The following TNPO1 variants were observed in gnomAD, a reference collection of about 807,000 sequenced individuals.
The protein encoded by TNPO1 is transportin 1, also known as transportin-1.
A neutral mutation model predicts 119.5 loss-of-function variants in TNPO1; 8 were observed. The ratio of observed to expected loss-of-function variants is 0.07; its 90% CI spans 0.04 to 0.12. TNPO1 has a LOEUF of 0.12. Ranked by LOEUF, TNPO1 falls within the 10% of genes least tolerant of loss-of-function variation. The pLI, the probability that TNPO1 is intolerant of heterozygous loss-of-function variation, is 1.00. For missense variants in TNPO1, 576 were observed against 1,089.8 expected, an observed-to-expected ratio of 0.53 and a Z score of 6.64; for synonymous variants, 362 against 363.0, an observed-to-expected ratio of 1.00 and a Z score of 0.03.
At position 72,909,171 on chromosome 5, in the gene TNPO1, A is replaced by G. The variant is rs1415566729; in HGVS notation, c.*498A>G. 7.2e-5 allele frequency: 11 copies of G among 153,252 alleles called. No individual in the cohort carries two copies. The highest frequency in any genetic ancestry group is 2.7e-4 in the African/African-American group (11 of 40,864). The allele number at this position is 153,252 out of a possible 1,614,324, so 9.5% of individuals were successfully genotyped here. Reference sequence around the variant, plus strand: ...TTTTTTATGTAAGTTTTCCCACATGATGGGGCCTTGTTTTGCATGTTGATG... The same window carrying G: ...TTTTTTATGTAAGTTTTCCCACATGGTGGGGCCTTGTTTTGCATGTTGATG... On this transcript the variant is annotated 3_prime_UTR_variant, in exon 25 of 25. Coordinates refer to ENST00000337273, the MANE Select transcript of TNPO1 (RefSeq NM_002270.4).
Position 72,875,680 on chromosome 5 carries a change from G to A in TNPO1, c.744G>A (p.Val248=), listed in dbSNP as rs1747709163. Reference sequence around the variant, plus strand: ...GGAAAAATGTGTGCCGAGCACTTGTGATGTTGCTCGAAGTTCGAATGGATC... The same window carrying A: ...GGAAAAATGTGTGCCGAGCACTTGTAATGTTGCTCGAAGTTCGAATGGATC... The part of the protein sequence containing the change: ...EVRKNVCRAL[V]MLLEVRMDRL... The change falls in exon 8 of 25, where the codon GTG becomes GTA. Residue 248 remains valine, a synonymous_variant. Transcript: ENST00000337273. 1 of 1,613,554 alleles carries A rather than the reference G, an allele frequency of 6.2e-7. No individual in the cohort carries two copies. Among genetic ancestry groups the A allele is most frequent in the Non-Finnish European group, 8.5e-7 (1 of 1,179,568 alleles).
chr5:72,843,805 A>G (rs973727941), intron 1 of TNPO1, among the ~76,000 whole-genome samples: 2 of 152,132 alleles, frequency 1.3e-5, no homozygotes, highest in Non-Finnish European at 2.9e-5. Flanking sequence ...AAAAAATTTT[A>G]ATTGAACCAG....
At chr5:72,825,899 A>G (rs1561291542) in intron 1 of TNPO1, 1 of 152,254 alleles carries the variant, frequency 6.6e-6, no homozygotes, top group East Asian at 1.9e-4. Flanking sequence ...GGACTAAGAC[A>G]TTCCCTTTCA....
At chr5:72,893,871 A>G (rs1749233464) in intron 18 of TNPO1, among the ~76,000 whole-genome samples, 168 bp downstream of exon 18, 1 of 152,228 alleles carries the variant, frequency 6.6e-6, no homozygotes, top group Non-Finnish European at 1.5e-5. Flanking sequence ...AGATGGCAGG[A>G]ACCCCTAATA....
At position 72,878,815 on chromosome 5, in the gene TNPO1, CTTT is replaced by C. The variant is rs558530200; in HGVS notation, c.920+1474_920+1476del. 611 of 367,144 alleles carry C rather than the reference CTTT, an allele frequency of 1.7e-3. 5 individuals carry two copies. Among genetic ancestry groups the C allele is most frequent in the African/African-American group, 0.013 (578 of 45,946 alleles). 22.7% of individuals were successfully genotyped at this position (367,144 alleles called of 1,614,324 possible). A position where few individuals can be genotyped will look rare whatever the true frequency, so the allele number is the denominator to read the frequency against. ...TTTTTATAAAAACTGCAGAGATTTT[CTTT>C]TTTTCTTCAAGAGCAGAAATCCGCT... is the stretch of plus-strand genomic sequence containing the variant. On this transcript the variant is annotated intron_variant, in intron 9 of 24. Coordinates refer to ENST00000337273, the MANE Select transcript of TNPO1 (RefSeq NM_002270.4).
intron 4 of TNPO1, 47 bp downstream of exon 4, chr5:72,855,970 C>T (rs368769394): frequency 5.0e-5 from 79 of 1,577,186 alleles, no homozygotes; most frequent in South Asian, 7.8e-5. Context: ...GTAACTGGGT[C>T]ATTTTTAGAG....
At position 72,911,336 on chromosome 5, in the gene TNPO1, A is replaced by G. The variant is rs147108738; in HGVS notation, c.*2663A>G. On this transcript the variant is annotated 3_prime_UTR_variant, in exon 25 of 25. Transcript: ENST00000337273. ...TCACTTGACTTTTTTTTTTTATTTA[A>G]ATGAAATTTAATTTGAAAATAGAAA... is the stretch of plus-strand genomic sequence containing the variant. 2.6e-5 allele frequency: 4 copies of G among 152,366 alleles called. No homozygotes were observed. Among genetic ancestry groups the G allele is most frequent in the African/African-American group, 9.6e-5 (4 of 41,504 alleles). 9.4% of individuals were successfully genotyped at this position (152,366 alleles called of 1,614,324 possible).
intron 23 of TNPO1, among the ~76,000 whole-genome samples, chr5:72,904,794 T>TC (rs776551866): frequency 2.0e-5 from 3 of 151,432 alleles, no homozygotes; most frequent in East Asian, 1.9e-4. Flanking sequence ...TGAAACTCTG[T>TC]CCCCGCCACA....
chr5:72,887,392 T>C (rs544345543), intron 12 of TNPO1, among the ~76,000 whole-genome samples, 170 bp downstream of exon 12: 30 of 152,286 alleles, frequency 2.0e-4, no homozygotes, highest in African/African-American at 7.2e-4. Flanking sequence ...GTTTTTGTTA[T>C]AATAAAGGTA....
chr5:72,866,992 T>C (rs1026526031), intron 6 of TNPO1, among the ~76,000 whole-genome samples: 1 of 151,938 alleles, frequency 6.6e-6, no homozygotes, highest in East Asian at 1.9e-4. Context: ...CTACGCAACA[T>C]AGCAAGACCC....
chr5:72,828,321 T>C (rs977551410), intron 1 of TNPO1, among the ~76,000 whole-genome samples: 1 of 152,176 alleles, frequency 6.6e-6, no homozygotes, highest in African/African-American at 2.4e-5. Flanking sequence ...TTTCTGTGAA[T>C]GGTGGGTAGT....
chr5:72,832,788 G>A (rs922967781), intron 1 of TNPO1, among the ~76,000 whole-genome samples: 1 of 152,092 alleles, frequency 6.6e-6, no homozygotes, highest in Non-Finnish European at 1.5e-5. Context: ...GAGAGGAGAG[G>A]GATAGAAGTA....
chr5:72,825,759 AG>A (rs1203163304), intron 1 of TNPO1: 1 of 152,460 alleles, frequency 6.6e-6, no homozygotes, highest in Admixed American at 6.5e-5. Flanking sequence ...TCTGTGAGCT[AG>A]AAAGCAGCCC....
chr5:72,819,202 G>A (rs946686830), intron 1 of TNPO1, among the ~76,000 whole-genome samples: 1 of 152,146 alleles, frequency 6.6e-6, no homozygotes, highest in Non-Finnish European at 1.5e-5. Context: ...AGCCACCCCA[G>A]GCAAAGAGGG....
chr5:72,876,580 T>C (rs1747793059), intron 8 of TNPO1, among the ~76,000 whole-genome samples: 1 of 152,198 alleles, frequency 6.6e-6, no homozygotes, highest in African/African-American at 2.4e-5. Context: ...CTTGAGTAGT[T>C]GTAGAGTCTT....
chr5:72,878,689 C>A (rs963739654), intron 9 of TNPO1: 4 of 208,924 alleles, frequency 1.9e-5, no homozygotes, highest in Non-Finnish European at 3.9e-5. Flanking sequence ...TTTAGGAAAT[C>A]TATTAATTGT....
rs1055953984 is a variant in TNPO1, at chr5:72,910,925, T to A, written c.*2252T>A. 4 of 152,194 alleles carry A rather than the reference T, an allele frequency of 2.6e-5. No individual in the cohort carries two copies. The highest frequency in any genetic ancestry group is 4.4e-5 in the Non-Finnish European group (3 of 67,948). The allele number at this position is 152,194 out of a possible 1,614,324, so 9.4% of individuals were successfully genotyped here. On this transcript the variant is annotated 3_prime_UTR_variant, in exon 25 of 25. Transcript: ENST00000337273. ...TTATAGTGCCTGATATTTTTAATAT[T>A]ATAAGTTGGATTCAAAGGGTATACA...
intron 1 of TNPO1, among the ~76,000 whole-genome samples, chr5:72,822,090 T>C (rs1164213963): frequency 1.3e-5 from 2 of 152,230 alleles, no homozygotes; most frequent in African/African-American, 2.4e-5. Flanking sequence ...CTGAGCCTTA[T>C]GTCACCCTAT....
chr5:72,829,680 T>C (rs1487662836), intron 1 of TNPO1, among the ~76,000 whole-genome samples: 1 of 152,192 alleles, frequency 6.6e-6, no homozygotes, highest in East Asian at 1.9e-4. Context: ...ACATGGTCTT[T>C]AGTTACTTTA....
Sources: allele counts gnomAD v4.1 joint callset (sites outside exome capture counted in the v4.1 genomes callset), GRCh38; gene constraint gnomAD v4.1.1; transcripts MANE v1.5; gene names NCBI Gene and HGNC (gene_info 2026-07-23, HGNC 2026-07-21).